Variants in ATRX observed in about 807,000 individuals in gnomAD.
The protein encoded by ATRX is ATRX chromatin remodeler, also known as chromatin remodeler ATRX.
A neutral mutation model predicts 172.6 loss-of-function variants in ATRX; 12 were observed. That is an observed-to-expected ratio of 0.07 (90% CI 0.04 to 0.11). ATRX has a LOEUF of 0.11. Ranked by LOEUF, ATRX falls within the 10% of genes least tolerant of loss-of-function variation. The probability of loss-of-function intolerance (pLI) is 1.00; values close to 1 mark genes in which losing one functional copy is unlikely to be tolerated. For missense variants in ATRX, 1,368 were observed against 1,767.4 expected (o/e 0.77, Z 4.05); for synonymous variants, 674 against 594.7 (o/e 1.13, Z -1.94).
chrX:77,764,045 T>C (rs1364442716), intron 1 of ATRX, among the ~76,000 whole-genome samples: 1 of 110,100 alleles, frequency 9.1e-6, no homozygotes, highest in Admixed American at 9.7e-5. Context: ...GCCCAGGAGG[T>C]CTAGGCTGCA....
chrX:77,569,205 A>G (rs2065317569), intron 28 of ATRX, among the ~76,000 whole-genome samples: 2 of 111,499 alleles, frequency 1.8e-5, no homozygotes, highest in Middle Eastern at 4.2e-3. Context: ...CTTTTCTCCT[A>G]AGATCAGGAA....
At chrX:77,777,192 A>G (rs1181289561) in intron 1 of ATRX, among the ~76,000 whole-genome samples, 2 of 41,013 alleles carry the variant, frequency 4.9e-5, no homozygotes, top group Non-Finnish European at 7.6e-5. Flanking sequence ...TGTCTCTACT[A>G]AAAAAAAAAA....
At chrX:77,605,939 TTAAATGAC>T (rs2066889908) in intron 22 of ATRX, among the ~76,000 whole-genome samples, 1 of 111,154 alleles carries the variant, frequency 9.0e-6, no homozygotes, top group South Asian at 3.8e-4. Flanking sequence ...CCACAGAAAT[TTAAATGAC>T]CATTAGAGGC....
intron 1 of ATRX, among the ~76,000 whole-genome samples, chrX:77,740,053 CAAAAA>C (rs781860181): frequency 0.013 from 596 of 47,045 alleles, 5 homozygotes; most frequent in Non-Finnish European, 0.018. Flanking sequence ...AACTCCATCC[CAAAAA>C]AAAAAAAAAA....
intron 12 of ATRX, among the ~76,000 whole-genome samples, chrX:77,662,414 AAATT>A (rs2069960496): frequency 8.9e-6 from 1 of 112,048 alleles, no homozygotes; most frequent in Admixed American, 9.5e-5. Flanking sequence ...AAATTTACCC[AAATT>A]AATTTCATTT....
At chrX:77,752,772 T>C (rs1470319036) in intron 1 of ATRX, among the ~76,000 whole-genome samples, 4 of 112,185 alleles carry the variant, frequency 3.6e-5, no homozygotes, top group African/African-American at 1.3e-4. Context: ...ATTACTTTTA[T>C]TGATTTGCGT....
intron 1 of ATRX, among the ~76,000 whole-genome samples, chrX:77,726,464 G>A (rs1365439287): frequency 1.1e-5 from 1 of 88,600 alleles, no homozygotes; most frequent in African/African-American, 4.2e-5. Context: ...CACACACCGG[G>A]GCCTGTCATG....
intron 1 of ATRX, among the ~76,000 whole-genome samples, chrX:77,745,163 T>C (rs187110232): frequency 3.5e-5 from 3 of 84,555 alleles, no homozygotes; most frequent in Non-Finnish European, 2.2e-5. Flanking sequence ...TGAGACCCTG[T>C]CTCAAAAATG....
At position 77,599,776 on chromosome X, in the gene ATRX, A is replaced by G. The variant is rs782603357; in HGVS notation, c.5742T>C (p.Asp1914=). Residue 1914 remains aspartate, a synonymous_variant, in exon 24 of 35, where the codon GAT becomes GAC. Coordinates refer to ENST00000373344, the MANE Select transcript of ATRX (RefSeq NM_000489.6). ...EDSMDEFIAS[D]SDETSMSLSS... is the part of the protein sequence containing the mutation. ...TTAAACTCATGGAGGTTTCATCAGAATCTGAGGCTATAAATTCATCCATAC... is the reference window on the plus strand; with the variant it reads ...TTAAACTCATGGAGGTTTCATCAGAGTCTGAGGCTATAAATTCATCCATAC... The G allele has an allele frequency of 8.3e-7, 1 of 1,209,607 alleles. No individual in the cohort carries two copies. The highest frequency in any genetic ancestry group is 1.8e-5 in the South Asian group (1 of 56,923).
intron 30 of ATRX, among the ~76,000 whole-genome samples, chrX:77,535,304 A>T (rs894421351): frequency 8.9e-6 from 1 of 112,280 alleles, no homozygotes; most frequent in Non-Finnish European, 1.9e-5. Flanking sequence ...TAAGATAGTG[A>T]CAACTACAGA....
chrX:77,738,712 C>T (rs1225974932), intron 1 of ATRX, among the ~76,000 whole-genome samples: 4 of 107,895 alleles, frequency 3.7e-5, no homozygotes, highest in Non-Finnish European at 5.8e-5. Context: ...TACAGGTATG[C>T]GCCCCAACGC....
chrX:77,695,535 AAAGT>A (rs2072139596), intron 5 of ATRX, among the ~76,000 whole-genome samples: 1 of 111,242 alleles, frequency 9.0e-6, no homozygotes, highest in South Asian at 3.9e-4. Flanking sequence ...GTAAAAATCC[AAAGT>A]AAGTCACCAC....
chrX:77,752,706 C>T (rs188055946), intron 1 of ATRX, among the ~76,000 whole-genome samples: 47 of 111,891 alleles, frequency 4.2e-4, no homozygotes, highest in African/African-American at 1.4e-3. Context: ...AAGGCCTTTT[C>T]GGCATCCATT....
chrX:77,709,141 G>A, intron 2 of ATRX, among the ~76,000 whole-genome samples: 1 of 111,494 alleles, frequency 9.0e-6, no homozygotes, highest in East Asian at 2.8e-4. Flanking sequence ...GGCTGAGGCA[G>A]GAGGATCACT....
intron 30 of ATRX, among the ~76,000 whole-genome samples, chrX:77,548,628 C>T (rs2064338339): frequency 8.9e-6 from 1 of 112,213 alleles, no homozygotes; most frequent in Non-Finnish European, 1.9e-5. Flanking sequence ...CCAGAAAGTT[C>T]CTGAAATAAG....
intron 7 of ATRX, among the ~76,000 whole-genome samples, chrX:77,688,434 C>T (rs2047799360): frequency 8.9e-6 from 1 of 111,918 alleles, no homozygotes; most frequent in Admixed American, 9.5e-5. Context: ...AAAACACAAA[C>T]ATTACACACA....
At chrX:77,565,287 G>C (rs782073992) in intron 28 of ATRX, among the ~76,000 whole-genome samples, 34 of 111,636 alleles carry the variant, frequency 3.0e-4, no homozygotes, top group Non-Finnish European at 5.5e-4. Flanking sequence ...TATACCAAAA[G>C]ATTTAAATAA....
chrX:77,641,030 G>T (rs2068628449), intron 15 of ATRX, among the ~76,000 whole-genome samples: 2 of 111,271 alleles, frequency 1.8e-5, no homozygotes, highest in South Asian at 7.6e-4. Flanking sequence ...ATTCAGTAGA[G>T]ACCACGAAGA....
chrX:77,689,210 A>C (rs1557145765), intron 6 of ATRX, among the ~76,000 whole-genome samples: 3 of 112,252 alleles, frequency 2.7e-5, no homozygotes, highest in Non-Finnish European at 5.6e-5. Flanking sequence ...AAAAAGTTCT[A>C]AAACTAGGGG....
Sources: allele counts gnomAD v4.1 joint callset (sites outside exome capture counted in the v4.1 genomes callset), GRCh38; gene constraint gnomAD v4.1.1; transcripts MANE v1.5; gene names NCBI Gene and HGNC (gene_info 2026-07-23, HGNC 2026-07-21).